The following ITPRID1 variants were observed in gnomAD, a reference collection of about 807,000 sequenced individuals.
ITPRID1 encodes protein ITPRID1.
Under a neutral mutation model 95.4 loss-of-function variants are expected in ITPRID1, and 96 were observed. The observed-to-expected ratio is 1.01, with a 90% CI of 0.85 to 1.19. The LOEUF is 1.19. Ranked by LOEUF, ITPRID1 falls within the 50% of genes most tolerant of loss-of-function variation. ITPRID1 has a pLI of 0.00. For missense variants in ITPRID1, 1,339 were observed against 1,252.9 expected, an observed-to-expected ratio of 1.07 and a Z score of -1.04; for synonymous variants, 510 against 453.6, an observed-to-expected ratio of 1.12 and a Z score of -1.58.
chr7:31,565,315 A>G (rs1784760014), intron 5 of ITPRID1, among the ~76,000 whole-genome samples: 1 of 152,226 alleles, frequency 6.6e-6, no homozygotes, highest in Non-Finnish European at 1.5e-5. Context: ...TGTGAGTTTA[A>G]AAAATCATAT....
At chr7:31,541,490 A>G (rs4720043) in intron 1 of ITPRID1, among the ~76,000 whole-genome samples, 124,929 of 152,140 alleles carry the variant, frequency 0.82, 52,472 homozygotes, top group Non-Finnish European at 0.92. Context: ...CATAGTTAAA[A>G]TTACGAGGAT....
chr7:31,580,298 C>CAAA lies in ITPRID1; in HGVS notation c.1170+1879_1170+1881dup, dbSNP rs11394739. ...AGACAACAAGAGCAAAACTCTGTCT[C>CAAA]AAAAAAAAAAAAAAAAAGAATGTTA... On this transcript the variant is annotated intron_variant, in intron 9 of 14. Coordinates refer to ENST00000615280, the MANE Select transcript of ITPRID1 (RefSeq NM_001257967.3). Among the ~76,000 whole-genome samples, 29 of 126,822 alleles carry CAAA rather than the reference C, an allele frequency of 2.3e-4. 1 individual carries two copies. Among genetic ancestry groups the CAAA allele is most frequent in the African/African-American group, 6.5e-4 (22 of 33,668 alleles). The allele number at this position is 126,822 out of a possible 152,430, so 83.2% of individuals were successfully genotyped here. A position where few individuals can be genotyped will look rare whatever the true frequency, so the allele number is the denominator to read the frequency against.
intron 10 of ITPRID1, among the ~76,000 whole-genome samples, chr7:31,600,133 C>T (rs1786331280): frequency 6.6e-6 from 1 of 152,010 alleles, no homozygotes; most frequent in South Asian, 2.1e-4. Flanking sequence ...AATTTTCAAC[C>T]TCAGTTATAA....
chr7:31,638,965 C>T (rs889700936), intron 10 of ITPRID1, among the ~76,000 whole-genome samples: 2 of 151,972 alleles, frequency 1.3e-5, no homozygotes, highest in East Asian at 1.9e-4. Context: ...TTGGTAGACA[C>T]GGGATTTCAC....
At chr7:31,549,567 C>T (rs1784214143) in intron 2 of ITPRID1, 68 bp downstream of exon 2, 2 of 1,132,166 alleles carry the variant, frequency 1.8e-6, no homozygotes, top group African/African-American at 1.6e-5. Context: ...ATTTCATACT[C>T]ATTATAGATA....
intron 1 of ITPRID1, among the ~76,000 whole-genome samples, chr7:31,524,235 A>G (rs555089611): frequency 1.2e-4 from 18 of 152,264 alleles, no homozygotes; most frequent in African/African-American, 4.1e-4. Context: ...AGAAAGGGGG[A>G]AAATCAATGC....
At chr7:31,631,670 GGAAGGAAA>G (rs1197495210) in intron 10 of ITPRID1, among the ~76,000 whole-genome samples, 4 of 152,232 alleles carry the variant, frequency 2.6e-5, no homozygotes, top group East Asian at 3.9e-4. Flanking sequence ...AGCAACGGAA[GGAAGGAAA>G]GAAGGGAGGA....
chr7:31,614,656 A>G (rs1420516195), intron 10 of ITPRID1, among the ~76,000 whole-genome samples: 2 of 152,226 alleles, frequency 1.3e-5, no homozygotes, highest in Non-Finnish European at 2.9e-5. Context: ...AGATAATTTC[A>G]CGTTTTTAAA....
intron 5 of ITPRID1, among the ~76,000 whole-genome samples, chr7:31,566,029 A>C (rs892904285): frequency 6.6e-6 from 1 of 152,124 alleles, no homozygotes; most frequent in African/African-American, 2.4e-5. Flanking sequence ...TCTCTTGGAG[A>C]GTGCCCTTGG....
chr7:31,534,741 A>G (rs1783706841), intron 1 of ITPRID1, among the ~76,000 whole-genome samples: 1 of 151,782 alleles, frequency 6.6e-6, no homozygotes, highest in Non-Finnish European at 1.5e-5. Context: ...TGTTTTTTCC[A>G]TGTACATTTA....
At chr7:31,562,925 CACT>C in intron 5 of ITPRID1, among the ~76,000 whole-genome samples, 1 of 152,246 alleles carries the variant, frequency 6.6e-6, no homozygotes, top group Non-Finnish European at 1.5e-5. Context: ...TTCTGAACAC[CACT>C]AACATGCATT....
At chr7:31,586,536 C>T (rs1364140903) in intron 10 of ITPRID1, among the ~76,000 whole-genome samples, 2 of 150,948 alleles carry the variant, frequency 1.3e-5, no homozygotes, top group African/African-American at 4.9e-5. Flanking sequence ...GCCATTCTAA[C>T]TGGTGTGAGA....
intron 5 of ITPRID1, among the ~76,000 whole-genome samples, chr7:31,568,097 G>A (rs1784862533): frequency 6.6e-6 from 1 of 150,826 alleles, no homozygotes; most frequent in South Asian, 2.1e-4. Context: ...CTGCACTCCA[G>A]GCTGGGTGAC....
At chr7:31,561,172 T>C (rs2128139635) in intron 5 of ITPRID1, among the ~76,000 whole-genome samples, 1 of 152,140 alleles carries the variant, frequency 6.6e-6, no homozygotes, top group Non-Finnish European at 1.5e-5. Flanking sequence ...GGAATGATAG[T>C]AGAAGAATTG....
rs531048507 is a variant in ITPRID1, at chr7:31,652,018, C to G, written c.2791C>G (p.Arg931Gly). The G allele has an allele frequency of 4.4e-6, 7 of 1,602,968 alleles. No homozygotes were observed. The East Asian group carries it at 1.4e-4, about 31-fold the overall frequency. ...VAELEFQLGDRAQQIREGILL... is the reference protein window; with the variant it reads ...VAELEFQLGDGAQQIREGILL... ...AGAGTTGGAATTTCAGTTAGGAGAC[C>G]GGGCTCAGCAAATCAGAGAAGGGAT... Residue 931 changes from arginine (R) to glycine (G), a missense_variant, in exon 14 of 15, where the codon CGG becomes GGG. Arg to Gly is a moderately radical substitution (Grantham distance 125, BLOSUM62 -2). Coordinates refer to ENST00000615280, the MANE Select transcript of ITPRID1 (RefSeq NM_001257967.3).
intron 5 of ITPRID1, among the ~76,000 whole-genome samples, chr7:31,560,065 G>C (rs1484453097): frequency 6.6e-6 from 1 of 152,176 alleles, no homozygotes; most frequent in Non-Finnish European, 1.5e-5. Context: ...TGGATGATCA[G>C]GAAAGGCATC....
chr7:31,592,727 A>G (rs1296625413), intron 10 of ITPRID1, among the ~76,000 whole-genome samples: 1 of 152,152 alleles, frequency 6.6e-6, no homozygotes, highest in Non-Finnish European at 1.5e-5. Flanking sequence ...TTGCCCATTC[A>G]CCGCTCACCT....
Position 31,569,780 on chromosome 7 carries a change from G to A in ITPRID1, c.279G>A (p.Met93Ile), listed in dbSNP as rs1433539213. 46 of 1,587,226 alleles carry A rather than the reference G, an allele frequency of 2.9e-5. No homozygotes were observed. Among genetic ancestry groups the A allele is most frequent in the Non-Finnish European group, 3.9e-5 (45 of 1,165,516 alleles). ...DRTVSLYEQGMVQMTVKDYMR... is the reference protein window; with the variant it reads ...DRTVSLYEQGIVQMTVKDYMR... ...CAGTTTCTTTGTATGAACAAGGGAT[G>A]GTTCAAATGACTGTGAAAGACTACA... The change falls in exon 6 of 15, where the codon ATG becomes ATA. Residue 93 changes from methionine to isoleucine, a missense_variant. Coordinates refer to ENST00000615280, the MANE Select transcript of ITPRID1 (RefSeq NM_001257967.3).
chr7:31,599,732 C>G (rs1226437743), intron 10 of ITPRID1, among the ~76,000 whole-genome samples: 1 of 147,790 alleles, frequency 6.8e-6, no homozygotes, highest in African/African-American at 2.6e-5. Context: ...GATGGAGTCT[C>G]TCTCTGTCGC....
Sources: allele counts gnomAD v4.1 joint callset (sites outside exome capture counted in the v4.1 genomes callset), GRCh38; gene constraint gnomAD v4.1.1; transcripts MANE v1.5; gene names NCBI Gene and HGNC (gene_info 2026-07-23, HGNC 2026-07-21).